The following DGLUCY variants were observed in gnomAD, a reference collection of about 807,000 sequenced individuals.
DGLUCY encodes D-glutamate cyclase.
DGLUCY carries 58 observed loss-of-function variants against 58.5 expected under a neutral mutation model. The observed-to-expected ratio is 0.99, with a 90% confidence interval of 0.80 to 1.23. DGLUCY has a LOEUF of 1.23. Among genes scored for constraint, DGLUCY ranks in the 50% most tolerant of loss-of-function variants. DGLUCY has a pLI of 0.00. For synonymous variants in DGLUCY, 325 were observed against 314.1 expected, an observed-to-expected ratio of 1.03 and a Z score of -0.37; for missense variants, 779 against 784.7, an observed-to-expected ratio of 0.99 and a Z score of 0.09.
exon 1 of DGLUCY, chr14:91,060,459 G>T: frequency 7.1e-7 from 1 of 1,416,860 alleles, no homozygotes; most frequent in Non-Finnish European, 9.3e-7. Flanking sequence ...CCGATCCCGC[G>T]GGTCGCTACG....
chr14:91,103,514 G>A (rs2044529438), upstream of DGLUCY, among the ~76,000 whole-genome samples: 1 of 151,930 alleles, frequency 6.6e-6, no homozygotes, highest in Non-Finnish European at 1.5e-5. Flanking sequence ...AAATACACAC[G>A]CCTTCCTACA....
chr14:91,195,669 TG>T lies in DGLUCY; in HGVS notation c.1196-705del, dbSNP rs1303071828. On this transcript the variant is annotated intron_variant, in intron 9 of 13. Transcript: ENST00000256324. Reference sequence around the variant, plus strand: ...GCGATAATGATGGTTTTTTGGGTTTTGTTTTTTTTTTTTTTTTTTGAGATGC... The same window carrying T: ...GCGATAATGATGGTTTTTTGGGTTTTTTTTTTTTTTTTTTTTTTGAGATGC... 4.2e-3 allele frequency among the ~76,000 whole-genome samples: 610 copies of T among 144,478 alleles called. 9 individuals carry two copies. The highest frequency in any genetic ancestry group is 0.015 in the African/African-American group (569 of 38,416). The allele number at this position is 144,478 out of a possible 152,430, so 94.8% of individuals were successfully genotyped here. A position where few individuals can be genotyped will look rare whatever the true frequency, so the allele number is the denominator to read the frequency against.
At chr14:91,082,119 G>T (rs190798119) in intron 1 of DGLUCY, among the ~76,000 whole-genome samples, 444 of 152,304 alleles carry the variant, frequency 2.9e-3, no homozygotes, top group South Asian at 6.2e-3. Context: ...GAGATTGGGG[G>T]CATATTATTC....
chr14:91,216,845 G>A (rs1886601790), intron 13 of DGLUCY, among the ~76,000 whole-genome samples: 1 of 152,184 alleles, frequency 6.6e-6, no homozygotes, highest in African/African-American at 2.4e-5. Context: ...CAGAGGAAGG[G>A]CATCAACGTG....
intron 13 of DGLUCY, among the ~76,000 whole-genome samples, chr14:91,221,351 T>G (rs1029450272): frequency 1.3e-5 from 2 of 152,110 alleles, no homozygotes; most frequent in Admixed American, 1.3e-4. Context: ...CAGGAAATGT[T>G]GGATGGAGAG....
At chr14:91,110,650 C>G (rs573934669), upstream of DGLUCY, among the ~76,000 whole-genome samples, 1 of 151,860 alleles carries the variant, frequency 6.6e-6, no homozygotes, top group Non-Finnish European at 1.5e-5. Flanking sequence ...AGGCTGGTCT[C>G]GAACTCCTGA....
At chr14:91,196,744 TAAA>T (rs146566022) in intron 10 of DGLUCY, among the ~76,000 whole-genome samples, 59,679 of 93,670 alleles carry the variant, frequency 0.64, 17,614 homozygotes, top group East Asian at 0.85. Context: ...GACATAGCAC[TAAA>T]AAAAAAAAAA....
At chr14:91,110,515 C>T (rs2044676312), upstream of DGLUCY, among the ~76,000 whole-genome samples, 3 of 151,244 alleles carry the variant, frequency 2.0e-5, no homozygotes, top group Admixed American at 2.0e-4. Context: ...ACTGCAACCT[C>T]CGCCTCCAGG....
At chr14:91,105,934 A>C (rs2044580290), upstream of DGLUCY, among the ~76,000 whole-genome samples, 1 of 152,202 alleles carries the variant, frequency 6.6e-6, no homozygotes, top group Admixed American at 6.5e-5. Flanking sequence ...TGCTACTGTA[A>C]GCAATTGTAA....
At chr14:91,082,768 T>A (rs78589853) in intron 1 of DGLUCY, among the ~76,000 whole-genome samples, 3,232 of 152,246 alleles carry the variant, frequency 0.021, 37 homozygotes, top group South Asian at 0.033. Context: ...TTGTTTTGTT[T>A]TTTGAGACAA....
chr14:91,104,126 G>C (rs1022922734), upstream of DGLUCY, among the ~76,000 whole-genome samples: 3 of 143,082 alleles, frequency 2.1e-5, no homozygotes, highest in Non-Finnish European at 4.5e-5. Flanking sequence ...GCAGTGGTGC[G>C]ATCTCGGCTC....
At chr14:91,211,646 A>G (rs1022004746) in intron 12 of DGLUCY, among the ~76,000 whole-genome samples, 1 of 152,254 alleles carries the variant, frequency 6.6e-6, no homozygotes, top group Admixed American at 6.5e-5. Context: ...GAAAAAATCA[A>G]TCTAGACATA....
intron 1 of DGLUCY, among the ~76,000 whole-genome samples, chr14:91,069,852 C>T (rs1213964530): frequency 7.1e-6 from 1 of 140,304 alleles, no homozygotes; most frequent in African/African-American, 2.7e-5. Flanking sequence ...GCAATCTTGG[C>T]TCACTGCAAC....
chr14:91,099,288 T>G (rs2044445111), intron 1 of DGLUCY, among the ~76,000 whole-genome samples: 1 of 152,132 alleles, frequency 6.6e-6, no homozygotes, highest in Non-Finnish European at 1.5e-5. Flanking sequence ...ATCCCAATAC[T>G]TTGGGAGGCC....
chr14:91,192,168 C>G (rs1444081001), intron 9 of DGLUCY, among the ~76,000 whole-genome samples: 1 of 152,192 alleles, frequency 6.6e-6, no homozygotes, highest in Non-Finnish European at 1.5e-5. Flanking sequence ...ATAATTATTA[C>G]TCAGCCTTAA....
intron 5 of DGLUCY, 119 bp from the exon 6 acceptor site, chr14:91,173,170 T>G (rs2048666622): frequency 2.8e-6 from 3 of 1,087,084 alleles, no homozygotes; most frequent in Non-Finnish European, 4.0e-6. Context: ...AGAAGCTAAT[T>G]TCTATAACAG....
chr14:91,074,160 C>CACACAT lies in DGLUCY; in HGVS notation c.-82+13457_-82+13458insCACATA, dbSNP rs1453975330. ...ACACACACACACACACACACACACA[C>CACACAT]AGTCAAGCACCTGTATTCCCAGCTA... is the stretch of plus-strand genomic sequence containing the variant. On this transcript the variant is annotated intron_variant, in intron 1 of 4. Coordinates refer to the DGLUCY transcript ENST00000521334. Among the ~76,000 whole-genome samples the CACACAT allele has an allele frequency of 3.6e-3, 492 of 136,004 alleles. 3 individuals are homozygous for CACACAT. The highest frequency in any genetic ancestry group is 7.1e-3 in the African/African-American group (240 of 33,728). The allele number at this position is 136,004 out of a possible 152,430, so 89.2% of individuals were successfully genotyped here.
chr14:91,224,646 C>G (rs368875156), intron 13 of DGLUCY, 38 bp from the exon 14 acceptor site: 1 of 1,544,728 alleles, frequency 6.5e-7, no homozygotes, highest in Non-Finnish European at 8.8e-7. Flanking sequence ...TTTTTCCTCC[C>G]CCTCCACTCC....
chr14:91,109,477 C>T (rs2044657080), upstream of DGLUCY, among the ~76,000 whole-genome samples: 1 of 152,066 alleles, frequency 6.6e-6, no homozygotes, highest in African/African-American at 2.4e-5. Context: ...ACAGGAAACC[C>T]TCCCTGCCCC....
Sources: allele counts gnomAD v4.1 joint callset (sites outside exome capture counted in the v4.1 genomes callset), GRCh38; gene constraint gnomAD v4.1.1; transcripts MANE v1.5; gene names NCBI Gene and HGNC (gene_info 2026-07-23, HGNC 2026-07-21).